Variants in ITFG1 observed in about 807,000 individuals in gnomAD.
The protein encoded by ITFG1 is T-cell immunomodulatory protein.
A neutral mutation model predicts 81.8 loss-of-function variants in ITFG1; 34 were observed. The observed-to-expected ratio is 0.42, with a 90% CI of 0.32 to 0.55. The LOEUF is 0.55. ITFG1 is among the 20% of genes least tolerant of loss of function. The pLI is 0.17. For missense variants in ITFG1, 672 were observed against 755.4 expected (o/e 0.89, Z 1.29); for synonymous variants, 285 against 270.6 (o/e 1.05, Z -0.52).
At chr16:47,436,904 C>G (rs1051423849) in intron 5 of ITFG1, among the ~76,000 whole-genome samples, 6 of 152,132 alleles carry the variant, frequency 3.9e-5, no homozygotes, top group Admixed American at 1.3e-4. Flanking sequence ...TATCAAATAA[C>G]TATAAGCACC....
intron 7 of ITFG1, among the ~76,000 whole-genome samples, chr16:47,371,078 T>A (rs1394031342): frequency 6.6e-6 from 1 of 152,178 alleles, no homozygotes; most frequent in African/African-American, 2.4e-5. Context: ...ACGAACTCAC[T>A]AGGGGCTTCT....
At chr16:47,437,888 G>A (rs751599876) in intron 5 of ITFG1, among the ~76,000 whole-genome samples, 2 of 152,228 alleles carry the variant, frequency 1.3e-5, no homozygotes, top group African/African-American at 2.4e-5. Flanking sequence ...GCGAGGCATC[G>A]CCTCACCTGG....
chr16:47,165,116 T>C (rs1156606004), intron 14 of ITFG1, among the ~76,000 whole-genome samples: 4 of 152,244 alleles, frequency 2.6e-5, no homozygotes, highest in East Asian at 1.9e-4. Flanking sequence ...GCCATTCCAA[T>C]AGTCAATCTT....
At chr16:47,284,563 T>C (rs1966862954) in intron 10 of ITFG1, among the ~76,000 whole-genome samples, 1 of 152,164 alleles carries the variant, frequency 6.6e-6, no homozygotes, top group Non-Finnish European at 1.5e-5. Context: ...ACACAATAAA[T>C]ACAATCCAAA....
intron 5 of ITFG1, among the ~76,000 whole-genome samples, chr16:47,436,936 T>TATAC (rs1969174679): frequency 6.6e-6 from 1 of 152,176 alleles, no homozygotes; most frequent in Non-Finnish European, 1.5e-5. Context: ...AACTATTAGC[T>TATAC]ATACCAATTA....
At chr16:47,270,906 A>G (rs1966332250) in intron 10 of ITFG1, among the ~76,000 whole-genome samples, 1 of 152,192 alleles carries the variant, frequency 6.6e-6, no homozygotes, top group African/African-American at 2.4e-5. Context: ...TGGGATGGGG[A>G]AAGTGCTGAT....
intron 12 of ITFG1, among the ~76,000 whole-genome samples, chr16:47,245,831 CT>C (rs932168296): frequency 0.011 from 1,558 of 144,490 alleles, 7 homozygotes; most frequent in African/African-American, 0.022. Flanking sequence ...CTGCCTCCTC[CT>C]TTTTTTTTTT....
intron 14 of ITFG1, among the ~76,000 whole-genome samples, chr16:47,180,639 C>A (rs1448667101): frequency 6.6e-6 from 1 of 152,202 alleles, no homozygotes; most frequent in African/African-American, 2.4e-5. Flanking sequence ...CCAGCCTCGG[C>A]CTCCCGAGGT....
At chr16:47,163,683 A>C (rs1020558104) in intron 14 of ITFG1, among the ~76,000 whole-genome samples, 1 of 152,096 alleles carries the variant, frequency 6.6e-6, no homozygotes, top group East Asian at 1.9e-4. Flanking sequence ...CATCATTAGG[A>C]ACTATCGAAC....
intron 5 of ITFG1, among the ~76,000 whole-genome samples, chr16:47,435,174 C>G (rs1207151971): frequency 6.6e-6 from 1 of 152,114 alleles, no homozygotes; most frequent in African/African-American, 2.4e-5. Flanking sequence ...GCACATGTAT[C>G]CCTGAACTTA....
At chr16:47,375,596 C>G (rs1016773411) in intron 7 of ITFG1, among the ~76,000 whole-genome samples, 1 of 152,186 alleles carries the variant, frequency 6.6e-6, no homozygotes, top group African/African-American at 2.4e-5. Flanking sequence ...CTCTCAACAG[C>G]TGACAGCATA....
intron 6 of ITFG1, among the ~76,000 whole-genome samples, chr16:47,404,493 C>G (rs764619825): frequency 6.6e-6 from 1 of 152,086 alleles, no homozygotes; most frequent in Non-Finnish European, 1.5e-5. Flanking sequence ...AATAAATACC[C>G]TATTCCCTTA....
intron 8 of ITFG1, among the ~76,000 whole-genome samples, chr16:47,335,113 T>C (rs1416679636): frequency 6.6e-6 from 1 of 152,134 alleles, no homozygotes; most frequent in Non-Finnish European, 1.5e-5. Flanking sequence ...ACCTAGCACT[T>C]TGGGAGGCCG....
intron 5 of ITFG1, among the ~76,000 whole-genome samples, chr16:47,442,945 A>G (rs912520412): frequency 3.9e-5 from 6 of 152,208 alleles, no homozygotes; most frequent in Admixed American, 1.3e-4. Context: ...AAAAGAAACC[A>G]CCATCAGAGT....
At chr16:47,397,320 C>T (rs1968606001) in intron 6 of ITFG1, among the ~76,000 whole-genome samples, 1 of 152,004 alleles carries the variant, frequency 6.6e-6, no homozygotes, top group South Asian at 2.1e-4. Flanking sequence ...GCACAGGGGT[C>T]AGGGATGGGT....
chr16:47,420,131 T>C (rs1357104454), intron 6 of ITFG1, among the ~76,000 whole-genome samples: 1 of 152,176 alleles, frequency 6.6e-6, no homozygotes, highest in Non-Finnish European at 1.5e-5. Context: ...TTTATTTCCA[T>C]GTACTTGTAC....
chr16:47,278,442 G>A (rs1966419603), intron 10 of ITFG1, among the ~76,000 whole-genome samples: 1 of 152,168 alleles, frequency 6.6e-6, no homozygotes, highest in Admixed American at 6.5e-5. Flanking sequence ...AACAGAAGGG[G>A]CGGCTGCTGC....
chr16:47,195,289 C>T (rs941663645), intron 14 of ITFG1, among the ~76,000 whole-genome samples: 24 of 152,194 alleles, frequency 1.6e-4, no homozygotes, highest in Admixed American at 1.6e-3. Context: ...AGTTTTATAG[C>T]CCATTATTGT....
At chr16:47,295,966 G>A (rs566203929) in intron 10 of ITFG1, among the ~76,000 whole-genome samples, 53 of 152,142 alleles carry the variant, frequency 3.5e-4, no homozygotes, top group Non-Finnish European at 7.1e-4. Context: ...TGGCACAATC[G>A]TGACTTATTG....
Sources: allele counts gnomAD v4.1 joint callset (sites outside exome capture counted in the v4.1 genomes callset), GRCh38; gene constraint gnomAD v4.1.1; transcripts MANE v1.5; gene names NCBI Gene and HGNC (gene_info 2026-07-23, HGNC 2026-07-21).